The following SPATA6 variants were observed in gnomAD, a reference collection of about 807,000 sequenced individuals.
SPATA6 encodes the protein spermatogenesis associated 6.
A neutral mutation model predicts 65.3 loss-of-function variants in SPATA6; 56 were observed. That is an observed-to-expected ratio of 0.86 (90% confidence interval 0.69 to 1.07). SPATA6 has a LOEUF of 1.07. SPATA6 is among the 50% of genes least tolerant of loss of function. The pLI, the probability that SPATA6 is intolerant of heterozygous loss-of-function variation, is 0.00. For missense variants in SPATA6, 590 were observed against 594.8 expected, an observed-to-expected ratio of 0.99 and a Z score of 0.08; for synonymous variants, 199 against 213.2, an observed-to-expected ratio of 0.93 and a Z score of 0.58.
chr1:48,293,573 A>G (rs1644782185), downstream of SPATA6, among the ~76,000 whole-genome samples: 1 of 152,116 alleles, frequency 6.6e-6, no homozygotes, highest in African/African-American at 2.4e-5. Flanking sequence ...TTTCCCCTCA[A>G]AAGCAGAAGT....
chr1:48,334,055 A>G (rs1407234802), intron 11 of SPATA6, among the ~76,000 whole-genome samples: 1 of 152,176 alleles, frequency 6.6e-6, no homozygotes, highest in African/African-American at 2.4e-5. Context: ...TCCTGGACAT[A>G]TACATCCTTC....
intron 12 of SPATA6, among the ~76,000 whole-genome samples, chr1:48,303,235 A>G (rs1047454509): frequency 1.3e-5 from 2 of 152,198 alleles, no homozygotes; most frequent in African/African-American, 4.8e-5. Flanking sequence ...CATGGTAATT[A>G]GGATATCACC....
Position 48,403,852 on chromosome 1 carries a change from T to A in SPATA6, c.436A>T (p.Thr146Ser). ...ATCAGACATTCAGTAATCACTGAAG[T>A]CGTAGAAAATTCCAGCCTTGGAGCA... ...GNAPRLEFST[T>S]SVITECLISS... The change falls in exon 6 of 13, where the codon ACT becomes TCT. Residue 146 changes from threonine (T) to serine (S), a missense_variant. Transcript: ENST00000371847. 6.2e-7 allele frequency: 1 copy of A among 1,610,604 alleles called. No homozygotes were observed. The highest frequency in any genetic ancestry group is 1.1e-5 in the South Asian group (1 of 90,436).
intron 9 of SPATA6, among the ~76,000 whole-genome samples, chr1:48,364,375 A>T (rs1646925229): frequency 6.6e-6 from 1 of 152,234 alleles, no homozygotes; most frequent in African/African-American, 2.4e-5. Context: ...AGGAATCGCC[A>T]CACTGACTTC....
intron 3 of SPATA6, among the ~76,000 whole-genome samples, chr1:48,444,664 A>G (rs1655845004): frequency 6.6e-6 from 1 of 152,242 alleles, no homozygotes; most frequent in Non-Finnish European, 1.5e-5. Flanking sequence ...AGCCAGCAGC[A>G]GCAACCCGCT....
At chr1:48,380,865 A>G (rs1463497095) in intron 9 of SPATA6, among the ~76,000 whole-genome samples, 2 of 152,182 alleles carry the variant, frequency 1.3e-5, no homozygotes, top group East Asian at 3.8e-4. Flanking sequence ...AACTCTATAT[A>G]TAAACACTAT....
chr1:48,276,527 T>C, the SPATA6 span, among the ~76,000 whole-genome samples: 1 of 152,236 alleles, frequency 6.6e-6, no homozygotes, highest in Admixed American at 6.5e-5. Flanking sequence ...GATTCTGGTA[T>C]GTTGTGTCTT....
intron 3 of SPATA6, among the ~76,000 whole-genome samples, chr1:48,413,824 T>C (rs916623202): frequency 6.6e-6 from 1 of 152,198 alleles, no homozygotes. Context: ...TATTTTATGC[T>C]ATATGTATTA....
rs1464870129 is a variant in SPATA6, at chr1:48,383,328, C to T, written c.909+1981G>A. 5.0e-5 allele frequency among the ~76,000 whole-genome samples: 3 copies of T among 59,850 alleles called. 1 individual carries two copies. Among genetic ancestry groups the T allele is most frequent in the Non-Finnish European group, 1.2e-4 (3 of 25,458 alleles). The allele number at this position is 59,850 out of a possible 152,430, so 39.3% of individuals were successfully genotyped here. ...GGGGCTGACCCCCCCACCTCCCTCC[C>T]GGACGGGGCGGCTGGCCGACCGCCC... On this transcript the variant is annotated intron_variant, in intron 9 of 12. Transcript: ENST00000371847.
At chr1:48,314,840 T>TA (rs529304565) in intron 11 of SPATA6, among the ~76,000 whole-genome samples, 1 of 151,450 alleles carries the variant, frequency 6.6e-6, no homozygotes, top group African/African-American at 2.4e-5. Flanking sequence ...ATAAACGCAA[T>TA]AAAAAAATGA....
At position 48,461,674 on chromosome 1, in the gene SPATA6, C is replaced by T. The variant is rs554617445; in HGVS notation, c.52-8543G>A. Among the ~76,000 whole-genome samples the T allele has an allele frequency of 4.1e-4, 63 of 152,220 alleles. 1 individual carries two copies. The highest frequency in any genetic ancestry group is 1.1e-3 in the Admixed American group (17 of 15,266). On this transcript the variant is annotated intron_variant, in intron 1 of 12. Coordinates refer to ENST00000371847, the MANE Select transcript of SPATA6 (RefSeq NM_019073.4). ...ATCTCACACCAGTTAGAATGGCAAT[C>T]ATTAAAAAGTCAGGAAACAACAGGT...
At chr1:48,380,225 A>G (rs1648402120) in intron 9 of SPATA6, among the ~76,000 whole-genome samples, 1 of 152,232 alleles carries the variant, frequency 6.6e-6, no homozygotes, top group Non-Finnish European at 1.5e-5. Context: ...GAAGTCCTAA[A>G]GTGTTCTATT....
chr1:48,342,732 C>G (rs1417359688), intron 11 of SPATA6, among the ~76,000 whole-genome samples: 1 of 151,960 alleles, frequency 6.6e-6, no homozygotes, highest in Non-Finnish European at 1.5e-5. Context: ...AAAGAGGCAC[C>G]AGAGACAATT....
At chr1:48,340,258 A>T (rs1437549310) in intron 11 of SPATA6, among the ~76,000 whole-genome samples, 1 of 149,304 alleles carries the variant, frequency 6.7e-6, no homozygotes, top group Non-Finnish European at 1.5e-5. Context: ...AAAAAAAAAA[A>T]AAAAAAAAAA....
rs376844464 is a variant in SPATA6, at chr1:48,411,636, T to A, written c.281-48A>T. 8 of 1,428,020 alleles carry A rather than the reference T, an allele frequency of 5.6e-6. No homozygotes were observed. The South Asian group carries it at 1.1e-4, about 19-fold the overall frequency. 88.5% of individuals were successfully genotyped at this position (1,428,020 alleles called of 1,614,324 possible). A position where few individuals can be genotyped will look rare whatever the true frequency, so the allele number is the denominator to read the frequency against. ...TTCAAATTATAATAAAATATTCTATTTAGAAACAAAATCATCAAGTATGAT... is the reference window on the plus strand; with the variant it reads ...TTCAAATTATAATAAAATATTCTATATAGAAACAAAATCATCAAGTATGAT... On this transcript the variant is annotated intron_variant, in intron 4 of 12. Transcript: ENST00000371847.
At chr1:48,467,960 G>A (rs765008012) in intron 1 of SPATA6, among the ~76,000 whole-genome samples, 1 of 152,062 alleles carries the variant, frequency 6.6e-6, no homozygotes, top group Non-Finnish European at 1.5e-5. Context: ...AATTAGAAGA[G>A]CCATTACAAA....
intron 5 of SPATA6, among the ~76,000 whole-genome samples, chr1:48,410,725 T>C (rs551584173): frequency 2.0e-3 from 309 of 152,202 alleles, no homozygotes; most frequent in African/African-American, 7.0e-3. Context: ...CAGCAGGAAA[T>C]GTCAAACACT....
the SPATA6 span, among the ~76,000 whole-genome samples, chr1:48,267,499 T>C: frequency 1.3e-5 from 2 of 151,592 alleles, no homozygotes; most frequent in African/African-American, 4.9e-5. Context: ...AGCAGATGGA[T>C]GGGGAGCTAG....
rs1312019836 is a variant in SPATA6 at position 48,399,560 on chromosome 1, A to T, written c.571T>A (p.Ser191Thr). 3 of 1,612,544 alleles carry T rather than the reference A, an allele frequency of 1.9e-6. No homozygotes were observed. Among genetic ancestry groups the T allele is most frequent in the Non-Finnish European group, 2.5e-6 (3 of 1,179,282 alleles). Reference protein sequence around the residue: ...NRTSRSQKKKSKSPERSKYCI... With the variant: ...NRTSRSQKKKTKSPERSKYCI... Reference sequence around the variant, plus strand: ...TATTTACTTCTCTCAGGTGACTTGGATTTTTTCTTTTGTGATCTTGATGTT... The same window carrying T: ...TATTTACTTCTCTCAGGTGACTTGGTTTTTTTCTTTTGTGATCTTGATGTT... Residue 191 changes from serine (S) to threonine (T), a missense_variant, in exon 7 of 13, where the codon TCC (serine) becomes ACC (threonine). Physicochemically the swap from Ser to Thr is moderately conservative, Grantham distance 58. Coordinates refer to ENST00000371847, the MANE Select transcript of SPATA6 (RefSeq NM_019073.4).
Sources: allele counts gnomAD v4.1 joint callset (sites outside exome capture counted in the v4.1 genomes callset), GRCh38; gene constraint gnomAD v4.1.1; transcripts MANE v1.5; gene names NCBI Gene and HGNC (gene_info 2026-07-23, HGNC 2026-07-21).